SMARCA1: variants seen among roughly 807,000 people sequenced by gnomAD.
SMARCA1 encodes SWI/SNF-related matrix-associated actin-dependent regulator of chromatin subfamily A member 1.
SMARCA1 carries 17 observed loss-of-function variants against 93.6 expected under a neutral mutation model. That is an observed-to-expected ratio of 0.18 (90% CI 0.12 to 0.27). The LOEUF is 0.27. Ranked by LOEUF, SMARCA1 falls within the 10% of genes least tolerant of loss-of-function variation. The pLI, the probability that SMARCA1 is intolerant of heterozygous loss-of-function variation, is 1.00. For missense variants in SMARCA1, 630 were observed against 819.0 expected (o/e 0.77, Z 2.82); for synonymous variants, 271 against 271.4 (o/e 1.00, Z 0.01).
In SMARCA1 at chrX:129,465,828, A is replaced by T; in HGVS notation, c.2817+16T>A. On this transcript the variant is annotated intron_variant, in intron 22 of 24. Transcript: ENST00000371121. Reference sequence around the variant, plus strand: ...ATTAAAACGATCTAATAATAATTTGACATAAAACATAGTACTTTGGCATCC... The same window carrying T: ...ATTAAAACGATCTAATAATAATTTGTCATAAAACATAGTACTTTGGCATCC... 1 of 1,072,889 alleles carries T rather than the reference A, an allele frequency of 9.3e-7. No homozygotes were observed. The highest frequency in any genetic ancestry group is 1.3e-6 in the Non-Finnish European group (1 of 792,387). 88.4% of individuals were successfully genotyped at this position (1,072,889 alleles called of 1,213,427 possible).
chrX:129,516,988 T>C (rs1173411663), intron 2 of SMARCA1, among the ~76,000 whole-genome samples: 1 of 111,234 alleles, frequency 9.0e-6, no homozygotes. Context: ...TATCCAGAAA[T>C]AACTTAAATC....
intron 9 of SMARCA1, among the ~76,000 whole-genome samples, chrX:129,503,964 C>CAAAAA (rs77290378): frequency 5.0e-5 from 3 of 60,180 alleles, no homozygotes; most frequent in Non-Finnish European, 9.5e-5. Context: ...GACTCTCTCT[C>CAAAAA]AAAAAAAAAA....
intron 9 of SMARCA1, among the ~76,000 whole-genome samples, 152 bp downstream of exon 9, chrX:129,504,572 AAAAAAAAAAC>A (rs1224005123): frequency 4.9e-5 from 5 of 101,628 alleles, no homozygotes; most frequent in African/African-American, 1.9e-4. Flanking sequence ...AAAAAAAAAA[AAAAAAAAAAC>A]AAAGAGGCTG....
rs772745306 is a variant in SMARCA1, at chrX:129,446,996, T to C, written c.*166A>G. ...ACTAGAATGCCATAAAATATAAAGC[T>C]ACACATTTCAGGTAGAAAGCATTGT... On this transcript the variant is annotated 3_prime_UTR_variant, in exon 25 of 25. Coordinates refer to ENST00000371121, the MANE Select transcript of SMARCA1 (RefSeq NM_001282874.2). 1.9e-5 allele frequency: 8 copies of C among 428,027 alleles called. No homozygotes were observed. Among genetic ancestry groups the C allele is most frequent in the Non-Finnish European group, 3.1e-5 (8 of 254,007 alleles). 35.3% of individuals were successfully genotyped at this position (428,027 alleles called of 1,213,427 possible).
At chrX:129,502,226 C>T (rs754903917) in intron 9 of SMARCA1, among the ~76,000 whole-genome samples, 55 of 111,110 alleles carry the variant, frequency 5.0e-4, no homozygotes, top group Non-Finnish European at 9.6e-4. Flanking sequence ...ATTTAGGAGG[C>T]GTCAGTATAT....
intron 19 of SMARCA1, among the ~76,000 whole-genome samples, chrX:129,473,579 A>T (rs1415563263): frequency 1.8e-5 from 2 of 112,331 alleles, no homozygotes; most frequent in East Asian, 5.6e-4. Context: ...AGAATGAATA[A>T]GCAAACTGTG....
At chrX:129,479,321 ATTG>A (rs1239385719) in intron 19 of SMARCA1, among the ~76,000 whole-genome samples, 3 of 110,065 alleles carry the variant, frequency 2.7e-5, no homozygotes, top group Non-Finnish European at 3.8e-5. Context: ...ATTAATAATT[ATTG>A]TTAATAATTA....
At position 129,491,952 on chromosome X, in the gene SMARCA1, G is replaced by A; in HGVS notation, c.1804C>T (p.Leu602=). Residue 602 remains leucine, a synonymous_variant, in exon 14 of 25, where the codon CTA becomes TTA. Transcript: ENST00000371121. ...TAAAGATTACTAACCATAGCTTGTAGATCAACCTGTGGGTTCCAGTCTGAA... is the reference window on the plus strand; with the variant it reads ...TAAAGATTACTAACCATAGCTTGTAAATCAACCTGTGGGTTCCAGTCTGAA... ...YDSDWNPQVD[L]QAMDRAHRIG... The A allele has an allele frequency of 8.4e-7, 1 of 1,193,995 alleles. No homozygotes were observed. Among genetic ancestry groups the A allele is most frequent in the Non-Finnish European group, 1.1e-6 (1 of 884,319 alleles).
chrX:129,504,697 A>G (rs777427288), intron 9 of SMARCA1, 37 bp downstream of exon 9: 5 of 997,131 alleles, frequency 5.0e-6, no homozygotes, highest in South Asian at 1.9e-5. Context: ...TGTGTATACT[A>G]TTTAATTACT....
In SMARCA1 at chrX:129,497,893, C is replaced by T; in HGVS notation, c.1456G>A (p.Gly486Ser). The change falls in exon 11 of 25, where the codon GGT becomes AGT. Residue 486 changes from glycine (G) to serine (S), a missense_variant. By Grantham distance (56) the Gly-to-Ser change is moderately conservative. Around this residue, in one of 4 missense-constraint regions of SMARCA1, gnomAD observed 382 missense variants for 537.9 expected, o/e 0.71. Coordinates refer to ENST00000371121, the MANE Select transcript of SMARCA1 (RefSeq NM_001282874.2). ...TTDEHIVSNS[G>S]KMVVLDKLLA... ...AGTTTATCCAGAACTACCATTTTAC[C>T]ACTGTTGCTGACAATATGCTCATCA... 1 of 1,209,121 alleles carries T rather than the reference C, an allele frequency of 8.3e-7. No homozygotes were observed. The highest frequency in any genetic ancestry group is 1.1e-6 in the Non-Finnish European group (1 of 893,394).
chrX:129,504,399 T>C (rs1016819088), intron 9 of SMARCA1, among the ~76,000 whole-genome samples: 10 of 108,855 alleles, frequency 9.2e-5, no homozygotes, highest in African/African-American at 3.4e-4. Context: ...GAAGTGGCAG[T>C]GGGTGAACTA....
intron 23 of SMARCA1, among the ~76,000 whole-genome samples, chrX:129,453,086 A>G (rs1307279785): frequency 1.8e-5 from 2 of 111,488 alleles, no homozygotes; most frequent in Non-Finnish European, 3.8e-5. Flanking sequence ...CACTCTACCA[A>G]CCAGCCATTC....
At chrX:129,482,784 G>A (rs1324628028) in intron 17 of SMARCA1, among the ~76,000 whole-genome samples, 1 of 111,662 alleles carries the variant, frequency 9.0e-6, no homozygotes, top group Non-Finnish European at 1.9e-5. Flanking sequence ...TCTGAGAAAT[G>A]GCTTCCTAAT....
At chrX:129,514,417 A>T (rs1351346981) in intron 5 of SMARCA1, among the ~76,000 whole-genome samples, 1 of 112,032 alleles carries the variant, frequency 8.9e-6, no homozygotes, top group Non-Finnish European at 1.9e-5. Context: ...CACATTTATA[A>T]CTCCTTCACT....
intron 9 of SMARCA1, among the ~76,000 whole-genome samples, chrX:129,501,820 G>A (rs960456225): frequency 9.1e-6 from 1 of 110,037 alleles, no homozygotes; most frequent in Non-Finnish European, 1.9e-5. Flanking sequence ...TCACCATGTT[G>A]GCCAGGATGG....
chrX:129,449,343 G>A (rs1443317117), intron 23 of SMARCA1, among the ~76,000 whole-genome samples: 2 of 111,788 alleles, frequency 1.8e-5, no homozygotes, highest in African/African-American at 3.3e-5. Context: ...TAGGTGGGGC[G>A]TACAGGATGC....
At chrX:129,479,706 T>G (rs1265696581) in intron 19 of SMARCA1, among the ~76,000 whole-genome samples, 1 of 93,365 alleles carries the variant, frequency 1.1e-5, no homozygotes, top group East Asian at 4.6e-4. Context: ...TTTTATTTTA[T>G]TTTATTTTTG....
At position 129,446,868 on chromosome X, in the gene SMARCA1, T is replaced by C. The variant is rs1932039367; in HGVS notation, c.*294A>G. ...GGTTCTCTTTCAAAGCAGCGGCATA[T>C]AAAACATAGAAAAGCTAAAACCTCA... is the stretch of plus-strand genomic sequence containing the variant. On this transcript the variant is annotated 3_prime_UTR_variant, in exon 25 of 25. Transcript: ENST00000371121. 5.0e-6 allele frequency: 1 copy of C among 198,140 alleles called. No homozygotes were observed. The allele number at this position is 198,140 out of a possible 1,213,427, so 16.3% of individuals were successfully genotyped here.
At chrX:129,504,580 A>AAAAAAAAAAG (rs1934733856) in intron 9 of SMARCA1, among the ~76,000 whole-genome samples, 154 bp downstream of exon 9, 1 of 101,866 alleles carries the variant, frequency 9.8e-6, no homozygotes, top group African/African-American at 3.8e-5. Context: ...AAAAAAAAAA[A>AAAAAAAAAAG]ACAAAGAGGC....
Sources: gnomAD v4.1 joint callset for allele counts (sites outside exome capture counted in the v4.1 genomes callset) on GRCh38, gnomAD v4.1.1 for gene constraint, gnomAD v4.1.1 regional missense constraint, MANE v1.5 for transcripts, NCBI Gene and HGNC (gene_info 2026-07-23, HGNC 2026-07-21) for gene names.